Variants in PLD5 observed in about 807,000 individuals in gnomAD.
PLD5 encodes the protein inactive phospholipase D5.
PLD5 carries 36 observed loss-of-function variants against 61.1 expected under a neutral mutation model. The observed-to-expected ratio is 0.59, with a 90% CI of 0.45 to 0.78. The LOEUF is 0.78. PLD5 is among the 30% of genes least tolerant of loss of function. PLD5 has a pLI of 0.00. For synonymous variants in PLD5, 243 were observed against 242.8 expected, an observed-to-expected ratio of 1.00 and a Z score of -0.01; for missense variants, 515 against 644.4, an observed-to-expected ratio of 0.80 and a Z score of 2.17.
At chr1:242,090,489 C>G (rs1240809554) in intron 9 of PLD5, among the ~76,000 whole-genome samples, 3 of 152,180 alleles carry the variant, frequency 2.0e-5, no homozygotes, top group African/African-American at 7.2e-5. Context: ...GAGACAACAT[C>G]TAATCCATGT....
chr1:242,296,559 G>A (rs1312102176), intron 2 of PLD5, among the ~76,000 whole-genome samples: 1 of 152,156 alleles, frequency 6.6e-6, no homozygotes, highest in East Asian at 1.9e-4. Flanking sequence ...CTCTAGACAT[G>A]GAAATAGTTG....
chr1:242,497,840 G>A (rs1006403315), intron 1 of PLD5, among the ~76,000 whole-genome samples: 22 of 152,268 alleles, frequency 1.4e-4, no homozygotes, highest in African/African-American at 5.3e-4. Context: ...CGGAAGGAAG[G>A]AAGTAAGTCA....
At chr1:242,321,579 AC>A (rs1387044292) in intron 2 of PLD5, among the ~76,000 whole-genome samples, 1 of 152,154 alleles carries the variant, frequency 6.6e-6, no homozygotes, top group Non-Finnish European at 1.5e-5. Context: ...TGCTGGGATT[AC>A]AGGTGTCAGC....
At chr1:242,118,386 C>A (rs1487988276) in intron 6 of PLD5, among the ~76,000 whole-genome samples, 2 of 152,186 alleles carry the variant, frequency 1.3e-5, no homozygotes, top group African/African-American at 4.8e-5. Flanking sequence ...AGGAAGGGGA[C>A]ATACATCAGT....
At chr1:242,434,087 G>T (rs181326858) in intron 1 of PLD5, among the ~76,000 whole-genome samples, 4 of 152,326 alleles carry the variant, frequency 2.6e-5, no homozygotes, top group African/African-American at 7.2e-5. Flanking sequence ...TCAGAAGACT[G>T]ATCATTCTGA....
At chr1:242,290,805 T>C (rs3910594) in intron 2 of PLD5, among the ~76,000 whole-genome samples, 150,251 of 150,848 alleles carry the variant, frequency 1, 74,832 homozygotes, top group Middle Eastern at 1. Flanking sequence ...TGTCTCTTAA[T>C]TGGGCTGTAT....
chr1:242,481,259 G>T (rs1012692810), intron 1 of PLD5, among the ~76,000 whole-genome samples: 1 of 152,310 alleles, frequency 6.6e-6, no homozygotes, highest in South Asian at 2.1e-4. Context: ...AGCAGGGCGA[G>T]GCATCACCTC....
chr1:242,094,984 G>C (rs529658507), intron 9 of PLD5, among the ~76,000 whole-genome samples: 1 of 143,840 alleles, frequency 7.0e-6, no homozygotes, highest in Admixed American at 6.9e-5. Flanking sequence ...TGTTGCCCAG[G>C]CTGGAGTGCA....
intron 1 of PLD5, among the ~76,000 whole-genome samples, chr1:242,481,489 C>T (rs1250251973): frequency 1.3e-5 from 2 of 152,182 alleles, no homozygotes; most frequent in Non-Finnish European, 2.9e-5. Flanking sequence ...GATCAAACTG[C>T]AAGGCAGCAG....
At chr1:242,102,987 C>G (rs903034561) in intron 8 of PLD5, among the ~76,000 whole-genome samples, 29 of 152,162 alleles carry the variant, frequency 1.9e-4, no homozygotes, top group African/African-American at 7.0e-4. Context: ...ACATTTCACG[C>G]CCTAGAAGTT....
At chr1:242,434,669 A>G (rs1665898650) in intron 1 of PLD5, among the ~76,000 whole-genome samples, 1 of 152,050 alleles carries the variant, frequency 6.6e-6, no homozygotes, top group Non-Finnish European at 1.5e-5. Flanking sequence ...GCTAGAGTGT[A>G]GTGGTGCAAT....
chr1:242,097,626 T>A (rs1295535734), intron 9 of PLD5, among the ~76,000 whole-genome samples: 1 of 152,236 alleles, frequency 6.6e-6, no homozygotes, highest in Non-Finnish European at 1.5e-5. Context: ...GTTTGAGTTC[T>A]TTGTAGATTC....
chr1:242,430,111 G>T (rs1350173142), intron 1 of PLD5, among the ~76,000 whole-genome samples: 1 of 151,824 alleles, frequency 6.6e-6, no homozygotes, highest in African/African-American at 2.4e-5. Context: ...AGAATTCCAT[G>T]TAATTTCCTC....
intron 2 of PLD5, among the ~76,000 whole-genome samples, chr1:242,292,819 G>A (rs1675443050): frequency 6.6e-6 from 1 of 152,140 alleles, no homozygotes; most frequent in South Asian, 2.1e-4. Flanking sequence ...TTGTCATTTT[G>A]TGAATATGTA....
At chr1:242,301,210 G>A (rs1676016354) in intron 2 of PLD5, among the ~76,000 whole-genome samples, 1 of 152,062 alleles carries the variant, frequency 6.6e-6, no homozygotes, top group Non-Finnish European at 1.5e-5. Flanking sequence ...TGGGTGATAA[G>A]CCTACCTAGT....
At chr1:242,232,234 GAACA>G (rs1671354400) in intron 4 of PLD5, among the ~76,000 whole-genome samples, 1 of 152,042 alleles carries the variant, frequency 6.6e-6, no homozygotes, top group African/African-American at 2.4e-5. Flanking sequence ...GAGAGGAAAT[GAACA>G]AATAAAAATA....
chr1:242,105,218 G>C (rs1287843036), intron 8 of PLD5, among the ~76,000 whole-genome samples: 1 of 113,374 alleles, frequency 8.8e-6, no homozygotes, highest in Non-Finnish European at 1.8e-5. Context: ...TGTACTGTGT[G>C]TTGGTTTTTT....
At chr1:242,206,486 T>C (rs1417872691) in intron 5 of PLD5, among the ~76,000 whole-genome samples, 9 of 152,230 alleles carry the variant, frequency 5.9e-5, no homozygotes, top group Non-Finnish European at 4.4e-5. Context: ...CTGATCCTTA[T>C]ACAGTCAAAA....
intron 5 of PLD5, among the ~76,000 whole-genome samples, chr1:242,155,781 A>G (rs187814742): frequency 2.0e-4 from 31 of 152,220 alleles, no homozygotes; most frequent in Admixed American, 1.8e-3. Flanking sequence ...TATGTGGTCA[A>G]TTTTAGAATA....
Sources: allele counts gnomAD v4.1 joint callset (sites outside exome capture counted in the v4.1 genomes callset), GRCh38; gene constraint gnomAD v4.1.1; transcripts MANE v1.5; gene names NCBI Gene and HGNC (gene_info 2026-07-23, HGNC 2026-07-21).